MIA2: variants seen among roughly 807,000 people sequenced by gnomAD.
MIA2 encodes the protein MIA SH3 domain ER export factor 2.
Under a neutral mutation model 167.8 loss-of-function variants are expected in MIA2, and 127 were observed. That is an observed-to-expected ratio of 0.76 (90% confidence interval 0.66 to 0.88). The LOEUF (loss-of-function observed/expected upper bound fraction) is 0.88, where lower values mean the gene tolerates loss of function less well. Ranked by LOEUF, MIA2 falls within the 40% of genes least tolerant of loss-of-function variation. The pLI, the probability that MIA2 is intolerant of heterozygous loss-of-function variation, is 0.00. For synonymous variants in MIA2, 552 were observed against 541.9 expected (o/e 1.02, Z -0.26); for missense variants, 1,690 against 1,624.7 (o/e 1.04, Z -0.69).
intron 23 of MIA2, among the ~76,000 whole-genome samples, chr14:39,359,978 A>G (rs1415310251): frequency 6.9e-6 from 1 of 144,060 alleles, no homozygotes; most frequent in East Asian, 2.1e-4. Flanking sequence ...GTTTCTCCGG[A>G]TCCTCTGCAG....
At chr14:39,387,854 C>CG (rs2075292991) in exon 24 of MIA2, 1 of 152,292 alleles carries the variant, frequency 6.6e-6, no homozygotes, top group Admixed American at 6.5e-5. Context: ...TGATATCCTC[C>CG]ACCAGGAAAA....
intron 9 of MIA2, among the ~76,000 whole-genome samples, chr14:39,285,443 TCCC>T: frequency 9.4e-6 from 1 of 106,786 alleles, no homozygotes; most frequent in Non-Finnish European, 1.9e-5. Context: ...CCCACCTTCC[TCCC>T]GGACGGGGCG....
intron 21 of MIA2, 76 bp downstream of exon 21, chr14:39,315,794 T>A: frequency 1.0e-6 from 1 of 971,638 alleles, no homozygotes; most frequent in Non-Finnish European, 1.5e-6. Context: ...TTATTTAAAT[T>A]AGATGAAAAT....
At position 39,327,039 on chromosome 14, in the gene MIA2, G is replaced by C. The variant is rs1359864186; in HGVS notation, c.3655+17G>C. 5 of 1,453,920 alleles carry C rather than the reference G, an allele frequency of 3.4e-6. No individual in the cohort carries two copies. The highest frequency in any genetic ancestry group is 9.1e-7 in the Non-Finnish European group (1 of 1,102,644). The allele number at this position is 1,453,920 out of a possible 1,614,324, so 90.1% of individuals were successfully genotyped here. ...CTCCGCCAGGTATGTAAAGACAATA[G>C]TTATTATTTCTCTTTGAAAGGCAGC... On this transcript the variant is annotated intron_variant, in intron 25 of 28. Transcript: ENST00000640607.
chr14:39,365,169 A>C (rs2074792143), intron 23 of MIA2, among the ~76,000 whole-genome samples: 2 of 152,084 alleles, frequency 1.3e-5, no homozygotes, highest in South Asian at 4.1e-4. Flanking sequence ...AAGTTCAAGC[A>C]ATCCTCCTAC....
intron 6 of MIA2, among the ~76,000 whole-genome samples, chr14:39,267,939 AAC>A (rs2056284385): frequency 6.6e-6 from 1 of 151,660 alleles, no homozygotes; most frequent in East Asian, 1.9e-4. Flanking sequence ...ACCTTGAAAG[AAC>A]ACCTGAGGTT....
intron 18 of MIA2, among the ~76,000 whole-genome samples, chr14:39,312,768 A>G (rs965978483): frequency 4.6e-5 from 7 of 152,160 alleles, no homozygotes; most frequent in African/African-American, 9.7e-5. Context: ...AAGTCTGAGA[A>G]CAGTTTTTGG....
intron 25 of MIA2, among the ~76,000 whole-genome samples, chr14:39,339,868 C>T (rs1396588258): frequency 3.3e-5 from 5 of 152,046 alleles, no homozygotes; most frequent in African/African-American, 4.8e-5. Flanking sequence ...TGTTTTGAGA[C>T]AGAATCTCAC....
chr14:39,300,957 CATATACACAT>C (rs199543844), intron 14 of MIA2, among the ~76,000 whole-genome samples: 100 of 141,618 alleles, frequency 7.1e-4, no homozygotes, highest in Middle Eastern at 3.7e-3. Context: ...TATACACATA[CATATACACAT>C]ATATACACAT....
At chr14:39,278,317 C>G (rs1295502897) in intron 7 of MIA2, among the ~76,000 whole-genome samples, 3 of 152,020 alleles carry the variant, frequency 2.0e-5, no homozygotes, top group African/African-American at 7.2e-5. Context: ...TCAGATGTTG[C>G]CCCTTTTACT....
At chr14:39,265,318 A>C in intron 6 of MIA2, 1 of 1,128,682 alleles carries the variant, frequency 8.9e-7, no homozygotes, top group South Asian at 1.3e-5. Flanking sequence ...AGAATCTGAA[A>C]TCTTTCTCAA....
chr14:39,296,654 C>G, intron 13 of MIA2, among the ~76,000 whole-genome samples: 1 of 140,824 alleles, frequency 7.1e-6, no homozygotes, highest in East Asian at 2.1e-4. Context: ...TTTTATTATA[C>G]TCTAAGTTTT....
chr14:39,327,929 T>G (rs1404024698), intron 25 of MIA2, among the ~76,000 whole-genome samples: 1 of 152,242 alleles, frequency 6.6e-6, no homozygotes, highest in Non-Finnish European at 1.5e-5. Context: ...GCAATAAATA[T>G]ACATGTGCAT....
At chr14:39,309,833 T>C (rs1566862285) in intron 18 of MIA2, among the ~76,000 whole-genome samples, 2 of 152,174 alleles carry the variant, frequency 1.3e-5, no homozygotes, top group African/African-American at 4.8e-5. Context: ...CCTTTATATA[T>C]TGGAGTGAAG....
intron 23 of MIA2, among the ~76,000 whole-genome samples, chr14:39,378,168 A>G (rs999138393): frequency 6.6e-6 from 1 of 152,270 alleles, no homozygotes; most frequent in Admixed American, 6.5e-5. Context: ...AATTTTTCTC[A>G]TAAGAGTATA....
chr14:39,267,278 G>C, intron 6 of MIA2: 1 of 1,445,620 alleles, frequency 6.9e-7, no homozygotes, highest in Non-Finnish European at 9.1e-7. Flanking sequence ...GGCAGCGTAG[G>C]CCTGTGAGGC....
Position 39,303,121 on chromosome 14 carries a change from G to A in MIA2, c.2741-357G>A, listed in dbSNP as rs929303464. On this transcript the variant is annotated intron_variant, in intron 15 of 28. Transcript: ENST00000640607. ...TCTCTATTTGAGAAAACTCATGCTT[G>A]TTTAATGTTATTTTAACTTGGGTTA... Among the ~76,000 whole-genome samples the A allele has an allele frequency of 1.3e-5, 2 of 151,972 alleles. 1 individual carries two copies. The highest frequency in any genetic ancestry group is 4.1e-4 in the South Asian group (2 of 4,820).
At chr14:39,312,124 G>A (rs931513053) in intron 18 of MIA2, among the ~76,000 whole-genome samples, 8 of 152,232 alleles carry the variant, frequency 5.3e-5, no homozygotes, top group Non-Finnish European at 8.8e-5. Context: ...CACTGCACCC[G>A]ACCAAGATAT....
chr14:39,269,041 T>G, intron 6 of MIA2: 1 of 968,784 alleles, frequency 1.0e-6, no homozygotes, highest in Non-Finnish European at 1.2e-6. Flanking sequence ...TGCAGTTTTC[T>G]CTAGTCTGGT....
Sources: allele counts gnomAD v4.1 joint callset (sites outside exome capture counted in the v4.1 genomes callset), GRCh38; gene constraint gnomAD v4.1.1; transcripts MANE v1.5; gene names NCBI Gene and HGNC (gene_info 2026-07-23, HGNC 2026-07-21).